Variants in PLD5 observed in about 807,000 individuals in gnomAD.
PLD5 encodes the protein phospholipase D family member 5.
Under a neutral mutation model 61.1 loss-of-function variants are expected in PLD5, and 36 were observed. The ratio of observed to expected loss-of-function variants is 0.59; its 90% CI spans 0.45 to 0.78. The LOEUF (loss-of-function observed/expected upper bound fraction) is 0.78, where lower values mean the gene tolerates loss of function less well. Among genes scored for constraint, PLD5 ranks in the 30% least tolerant of loss-of-function variants. The pLI is 0.00. For missense variants in PLD5, 515 were observed against 644.4 expected, an observed-to-expected ratio of 0.80 and a Z score of 2.17; for synonymous variants, 243 against 242.8, an observed-to-expected ratio of 1.00 and a Z score of -0.01.
intron 4 of PLD5, among the ~76,000 whole-genome samples, chr1:242,251,364 G>A (rs1488231862): frequency 6.6e-6 from 1 of 152,160 alleles, no homozygotes; most frequent in African/African-American, 2.4e-5. Context: ...GAGAAAGCGT[G>A]GCCAGAGACA....
At chr1:242,402,888 A>T (rs1044632971) in intron 1 of PLD5, among the ~76,000 whole-genome samples, 1 of 152,216 alleles carries the variant, frequency 6.6e-6, no homozygotes, top group African/African-American at 2.4e-5. Flanking sequence ...AAGAACCAAA[A>T]ACAGTGCTAG....
chr1:242,526,148 A>ATC (rs1248396745), upstream of PLD5, among the ~76,000 whole-genome samples: 1 of 152,170 alleles, frequency 6.6e-6, no homozygotes, highest in East Asian at 1.9e-4. Flanking sequence ...CAGGTTTGTA[A>ATC]TCTCAGCCCC....
chr1:242,436,086 G>T (rs568332846), intron 1 of PLD5, among the ~76,000 whole-genome samples: 43 of 152,180 alleles, frequency 2.8e-4, no homozygotes, highest in South Asian at 1.9e-3. Context: ...AATCCCCAGT[G>T]CAAATGAAAC....
At chr1:242,189,733 G>A (rs1044880072) in intron 5 of PLD5, among the ~76,000 whole-genome samples, 1 of 152,186 alleles carries the variant, frequency 6.6e-6, no homozygotes, top group Non-Finnish European at 1.5e-5. Flanking sequence ...TGGACAAGCT[G>A]GGGAGGTCAG....
chr1:242,287,246 A>C (rs1190749840), intron 3 of PLD5, among the ~76,000 whole-genome samples: 13 of 152,160 alleles, frequency 8.5e-5, no homozygotes, highest in East Asian at 1.9e-4. Context: ...CTCCATCCCC[A>C]GGCAACCCAC....
chr1:242,101,727 T>G (rs777138044), intron 8 of PLD5, among the ~76,000 whole-genome samples: 4 of 152,332 alleles, frequency 2.6e-5, no homozygotes, highest in East Asian at 1.9e-4. Context: ...TTTAAAACTG[T>G]AAGTGTTCAC....
At chr1:242,317,578 A>AT (rs1269459009) in intron 2 of PLD5, among the ~76,000 whole-genome samples, 2 of 152,048 alleles carry the variant, frequency 1.3e-5, no homozygotes, top group African/African-American at 4.8e-5. Context: ...ATGAATGGTG[A>AT]TTTTTTTTTA....
At chr1:242,145,271 A>G (rs1220183573) in intron 5 of PLD5, among the ~76,000 whole-genome samples, 2 of 152,220 alleles carry the variant, frequency 1.3e-5, no homozygotes. Flanking sequence ...TCTCACAGAA[A>G]TAAAGGCTGT....
In PLD5 at chr1:242,213,180, C is replaced by T. The variant is rs1669936846; in HGVS notation, c.735+6808G>A. 3.3e-5 allele frequency among the ~76,000 whole-genome samples: 5 copies of T among 152,074 alleles called. No individual in the cohort carries two copies. The South Asian group carries it at 8.3e-4, about 25-fold the overall frequency. On this transcript the variant is annotated intron_variant, in intron 5 of 9. Coordinates refer to ENST00000536534, the MANE Select transcript of PLD5 (RefSeq NM_001372062.1). The stretch of plus-strand genomic sequence containing the variant: ...TTAAAAGACTGTTTTTATATGATTC[C>T]CCTAGCAGAACAGGACAGAAAAAAA...
intron 4 of PLD5, among the ~76,000 whole-genome samples, chr1:242,258,038 T>C (rs1172594677): frequency 6.6e-6 from 1 of 152,252 alleles, no homozygotes; most frequent in African/African-American, 2.4e-5. Context: ...TTCTGATATC[T>C]TTCTTGTCTA....
intron 5 of PLD5, among the ~76,000 whole-genome samples, chr1:242,125,878 C>T (rs1662747947): frequency 6.6e-6 from 1 of 152,152 alleles, no homozygotes; most frequent in South Asian, 2.1e-4. Context: ...TCATCGATTT[C>T]CAGCTTCATG....
intron 5 of PLD5, among the ~76,000 whole-genome samples, chr1:242,129,719 G>A (rs1027261676): frequency 1.3e-5 from 2 of 152,146 alleles, no homozygotes; most frequent in Admixed American, 1.3e-4. Flanking sequence ...GTGAAGTGGG[G>A]ACTTTTATTG....
chr1:242,481,324 G>A (rs1667767880), intron 1 of PLD5, among the ~76,000 whole-genome samples: 1 of 152,218 alleles, frequency 6.6e-6, no homozygotes, highest in South Asian at 2.1e-4. Context: ...GGAAAGGGGT[G>A]ACAGACCGCA....
In PLD5 at chr1:242,201,323, A is replaced by G. The variant is rs112070498; in HGVS notation, c.735+18665T>C. Among the ~76,000 whole-genome samples, 299 of 152,356 alleles carry G rather than the reference A, an allele frequency of 2.0e-3. 3 individuals carry two copies. The highest frequency in any genetic ancestry group is 6.7e-3 in the African/African-American group (278 of 41,590). On this transcript the variant is annotated intron_variant, in intron 5 of 9. Coordinates refer to ENST00000536534, the MANE Select transcript of PLD5 (RefSeq NM_001372062.1). ...TATGCAGAATGATTTATGGGCATAA[A>G]AGTAATATTCCTGCAAGTCATTGTA...
At chr1:242,252,742 C>T (rs1252840235) in intron 4 of PLD5, among the ~76,000 whole-genome samples, 7 of 151,762 alleles carry the variant, frequency 4.6e-5, no homozygotes, top group Non-Finnish European at 1.0e-4. Context: ...ACCGTGGGAT[C>T]CCTCGGAATT....
At chr1:242,118,411 C>CCA (rs1662114006) in intron 6 of PLD5, among the ~76,000 whole-genome samples, 2 of 152,330 alleles carry the variant, frequency 1.3e-5, no homozygotes, top group South Asian at 4.1e-4. Context: ...AAGACAAGAT[C>CCA]CCTTCTTTGT....
intron 9 of PLD5, among the ~76,000 whole-genome samples, chr1:242,096,383 C>T (rs910254988): frequency 2.6e-5 from 4 of 152,072 alleles, no homozygotes; most frequent in African/African-American, 9.7e-5. Context: ...GCTCTGCCAC[C>T]CAGGCTGGAG....
At chr1:242,112,283 CTGTG>C (rs748175841) in intron 7 of PLD5, among the ~76,000 whole-genome samples, 2,935 of 119,636 alleles carry the variant, frequency 0.025, 45 homozygotes, top group Middle Eastern at 0.036. Context: ...AAAGGATGCA[CTGTG>C]TGTGTGTGTG....
intron 1 of PLD5, among the ~76,000 whole-genome samples, chr1:242,497,013 C>A (rs1224295864): frequency 6.6e-6 from 1 of 152,176 alleles, no homozygotes; most frequent in African/African-American, 2.4e-5. Flanking sequence ...AACACACACT[C>A]CAGAAGCCCA....
Sources: gnomAD v4.1 joint callset for allele counts (sites outside exome capture counted in the v4.1 genomes callset) on GRCh38, gnomAD v4.1.1 for gene constraint, MANE v1.5 for transcripts, NCBI Gene and HGNC (gene_info 2026-07-23, HGNC 2026-07-21) for gene names.